The following ZNF736 variants were observed in gnomAD, a reference collection of about 807,000 sequenced individuals.
The protein encoded by ZNF736 is KRAB-containing zinc-finger repressor protein.
In ZNF736, 6 loss-of-function variants were observed where a neutral mutation model predicts 11.7. The observed-to-expected ratio is 0.51, with a 90% confidence interval of 0.28 to 1.01. The LOEUF (loss-of-function observed/expected upper bound fraction) is 1.01, where lower values mean the gene tolerates loss of function less well. Ranked by LOEUF, ZNF736 falls within the 50% of genes least tolerant of loss-of-function variation. The pLI is 0.09. For missense variants in ZNF736, 444 were observed against 496.0 expected, an observed-to-expected ratio of 0.90 and a Z score of 1.00; for synonymous variants, 139 against 164.7, an observed-to-expected ratio of 0.84 and a Z score of 1.19.
chr7:64,324,471 A>G (rs1482181498), intron 1 of ZNF736, among the ~76,000 whole-genome samples: 1 of 152,190 alleles, frequency 6.6e-6, no homozygotes, highest in African/African-American at 2.4e-5. Flanking sequence ...GAGGACACAT[A>G]GGAAGTGAGT....
chr7:64,314,514 T>TGG (rs1399125166), intron 1 of ZNF736, among the ~76,000 whole-genome samples: 1 of 152,204 alleles, frequency 6.6e-6, no homozygotes, highest in Non-Finnish European at 1.5e-5. Flanking sequence ...GAAGAAGCAG[T>TGG]GGGCCGTGGG....
chr7:64,350,245 G>A lies in ZNF736; in HGVS notation c.*1098G>A, dbSNP rs1222015225. The stretch of plus-strand genomic sequence containing the variant: ...TAATCCCATATTTCTTAGAGGTTTT[G>A]TTCATTCCTCTTTATTCTTTTTTCA... On this transcript the variant is annotated 3_prime_UTR_variant, in exon 4 of 4. Coordinates refer to ENST00000423484, the MANE Select transcript of ZNF736 (RefSeq NM_001170905.3). 6.6e-6 allele frequency: 1 copy of A among 152,124 alleles called. No homozygotes were observed. Among genetic ancestry groups the A allele is most frequent in the Non-Finnish European group, 1.5e-5 (1 of 68,014 alleles). 9.4% of individuals were successfully genotyped at this position (152,124 alleles called of 1,614,324 possible). A position where few individuals can be genotyped will look rare whatever the true frequency, so the allele number is the denominator to read the frequency against.
rs603101 is a variant in ZNF736 at position 64,355,243 on chromosome 7, G to C, written c.*6096G>C. 0.56 allele frequency: 95,975 copies of C among 172,052 alleles called. 27,707 individuals are homozygous for C. The highest frequency in any genetic ancestry group is 0.64 in the Non-Finnish European group (46,410 of 72,080). The allele number at this position is 172,052 out of a possible 1,614,324, so 10.7% of individuals were successfully genotyped here. A position where few individuals can be genotyped will look rare whatever the true frequency, so the allele number is the denominator to read the frequency against. On this transcript the variant is annotated 3_prime_UTR_variant, in exon 4 of 4. Transcript: ENST00000423484. ...AATTGCTGACACAGGTTAAGAGTAT[G>C]CACCACAGGTATCGAAACCTAAAAT...
intron 3 of ZNF736, among the ~76,000 whole-genome samples, chr7:64,345,494 G>A (rs1158905577): frequency 5.3e-5 from 8 of 151,390 alleles, no homozygotes; most frequent in Non-Finnish European, 1.0e-4. Flanking sequence ...ACTTTGGGAG[G>A]CCGAGGTGGG....
rs1400119321 is a variant in ZNF736, at chr7:64,351,928, C to T, written c.*2781C>T. 1 of 151,448 alleles carries T rather than the reference C, an allele frequency of 6.6e-6. No individual in the cohort carries two copies. The allele number at this position is 151,448 out of a possible 1,614,324, so 9.4% of individuals were successfully genotyped here. On this transcript the variant is annotated 3_prime_UTR_variant, in exon 4 of 4. Transcript: ENST00000423484. ...CATGGAGGATGGGCTGGCTTCCTCT[C>T]CTTGGGTAAACTGCAGTTTGAGGTG...
intron 3 of ZNF736, among the ~76,000 whole-genome samples, chr7:64,346,203 T>G (rs1452745718): frequency 2.0e-5 from 3 of 152,218 alleles, no homozygotes; most frequent in Non-Finnish European, 2.9e-5. Flanking sequence ...CTACTTTGTC[T>G]CTTGTGAATT....
At chr7:64,327,609 C>G (rs1789100445) in intron 1 of ZNF736, among the ~76,000 whole-genome samples, 1 of 152,118 alleles carries the variant, frequency 6.6e-6, no homozygotes, top group African/African-American at 2.4e-5. Context: ...GGTCTTTTCT[C>G]TCTCCTTTTC....
At chr7:64,337,762 T>TG (rs1562673658) in intron 3 of ZNF736, among the ~76,000 whole-genome samples, 14 of 123,508 alleles carry the variant, frequency 1.1e-4, no homozygotes, top group Non-Finnish European at 2.0e-4. Flanking sequence ...TTTGGTTTTT[T>TG]TTTTTTTTTG....
Position 64,314,059 on chromosome 7 carries a change from C to T in ZNF736, c.-92C>T, listed in dbSNP as rs1296146257. The T allele has an allele frequency of 1.2e-5, 18 of 1,526,952 alleles. No homozygotes were observed. The East Asian group carries it at 1.2e-4, about 10-fold the overall frequency. 94.6% of individuals were successfully genotyped at this position (1,526,952 alleles called of 1,614,324 possible). On this transcript the variant is annotated 5_prime_UTR_variant, in exon 1 of 4. Transcript: ENST00000423484. ...TCCATCTCCTCCGTTCCTGGAGTTCCTCGGTGACTCTACTATAGCTTCTGT... is the reference window on the plus strand; with the variant it reads ...TCCATCTCCTCCGTTCCTGGAGTTCTTCGGTGACTCTACTATAGCTTCTGT...
At chr7:64,327,474 G>GTTTGTTTTT (rs1411788333) in intron 1 of ZNF736, among the ~76,000 whole-genome samples, 1 of 151,996 alleles carries the variant, frequency 6.6e-6, no homozygotes, top group Non-Finnish European at 1.5e-5. Context: ...TTGTTTGTTT[G>GTTTGTTTTT]TTTGTTTTAA....
intron 3 of ZNF736, among the ~76,000 whole-genome samples, chr7:64,346,074 T>G (rs1789406257): frequency 6.6e-6 from 1 of 152,176 alleles, no homozygotes; most frequent in African/African-American, 2.4e-5. Context: ...TTCCTTCCAT[T>G]ATTATATTGC....
Position 64,355,182 on chromosome 7 carries a change from G to C in ZNF736, c.*6035G>C, listed in dbSNP as rs1009805763. On this transcript the variant is annotated 3_prime_UTR_variant, in exon 4 of 4. Coordinates refer to ENST00000423484, the MANE Select transcript of ZNF736 (RefSeq NM_001170905.3). ...GTTTCTACATTTAAACATCTACTGG[G>C]GGAGGCAGAGGCCAATTCTATGCAG... is the stretch of plus-strand genomic sequence containing the variant. 13 of 164,436 alleles carry C rather than the reference G, an allele frequency of 7.9e-5. No individual in the cohort carries two copies. Among genetic ancestry groups the C allele is most frequent in the South Asian group, 1.9e-4 (1 of 5,190 alleles). The allele number at this position is 164,436 out of a possible 1,614,324, so 10.2% of individuals were successfully genotyped here.
chr7:64,356,244 T>C lies in ZNF736; in HGVS notation c.*7097T>C, dbSNP rs1049634790. On this transcript the variant is annotated 3_prime_UTR_variant, in exon 4 of 4. Coordinates refer to ENST00000423484, the MANE Select transcript of ZNF736 (RefSeq NM_001170905.3). ...TCTATTTCAGTTTTTGTGGGTAATTTAGCCAGTAAATTTAATCTTATTTCT... is the reference window on the plus strand; with the variant it reads ...TCTATTTCAGTTTTTGTGGGTAATTCAGCCAGTAAATTTAATCTTATTTCT... 3 of 152,208 alleles carry C rather than the reference T, an allele frequency of 2.0e-5. No individual in the cohort carries two copies. Among genetic ancestry groups the C allele is most frequent in the African/African-American group, 7.2e-5 (3 of 41,458 alleles). 9.4% of individuals were successfully genotyped at this position (152,208 alleles called of 1,614,324 possible).
At chr7:64,339,406 T>C (rs1201475416) in intron 3 of ZNF736, among the ~76,000 whole-genome samples, 3 of 152,212 alleles carry the variant, frequency 2.0e-5, no homozygotes, top group Non-Finnish European at 4.4e-5. Context: ...TTAAGATTAT[T>C]AAGAATTTAT....
At chr7:64,342,119 A>T (rs963586215) in intron 3 of ZNF736, among the ~76,000 whole-genome samples, 1 of 152,186 alleles carries the variant, frequency 6.6e-6, no homozygotes, top group Non-Finnish European at 1.5e-5. Context: ...AAGGATCTAA[A>T]TAATCTAACT....
chr7:64,348,088 A>G lies in ZNF736; in HGVS notation c.227-2A>G, dbSNP rs1156284319. ...AGGGAGAATTTTATTTTTTTTCTCC[A>G]GCTGGTTCTTTTCATTTTACTGCAG... On this transcript the variant is annotated splice_acceptor_variant, in intron 3 of 3. Transcript: ENST00000423484. LOFTEE classifies it high-confidence loss of function. 7.4e-6 allele frequency: 11 copies of G among 1,492,172 alleles called. No homozygotes were observed. The South Asian group carries it at 1.2e-4, about 17-fold the overall frequency. The allele number at this position is 1,492,172 out of a possible 1,614,324, so 92.4% of individuals were successfully genotyped here. A position where few individuals can be genotyped will look rare whatever the true frequency, so the allele number is the denominator to read the frequency against.
chr7:64,332,903 C>T (rs774860211), intron 1 of ZNF736, among the ~76,000 whole-genome samples: 12 of 152,210 alleles, frequency 7.9e-5, no homozygotes, highest in Admixed American at 3.3e-4. Context: ...GGTTGTCTTC[C>T]CTTGTTCCCT....
chr7:64,347,939 G>T, intron 3 of ZNF736, 151 bp from the exon 4 acceptor site: 2 of 717,782 alleles, frequency 2.8e-6, no homozygotes, highest in Non-Finnish European at 4.1e-6. Context: ...AGGCATTTTG[G>T]TCAGTATATT....
chr7:64,342,440 A>G (rs764094280), intron 3 of ZNF736, among the ~76,000 whole-genome samples: 29 of 152,138 alleles, frequency 1.9e-4, no homozygotes, highest in African/African-American at 4.6e-4. Flanking sequence ...CTATATGACA[A>G]TTGCCTCTAC....
Sources: gnomAD v4.1 joint callset for allele counts (sites outside exome capture counted in the v4.1 genomes callset) on GRCh38, gnomAD v4.1.1 for gene constraint, MANE v1.5 for transcripts, NCBI Gene and HGNC (gene_info 2026-07-23, HGNC 2026-07-21) for gene names.